Variants in STARD10 observed in about 807,000 individuals in gnomAD.
The protein encoded by STARD10 is START domain-containing protein 10.
STARD10 carries 24 observed loss-of-function variants against 36.0 expected under a neutral mutation model. The observed-to-expected ratio is 0.67, with a 90% confidence interval of 0.48 to 0.94. The LOEUF is 0.94. Among genes scored for constraint, STARD10 ranks in the 40% least tolerant of loss-of-function variants. The pLI, the probability that STARD10 is intolerant of heterozygous loss-of-function variation, is 0.00. For missense variants in STARD10, 335 were observed against 396.6 expected (o/e 0.84, Z 1.32); for synonymous variants, 156 against 161.9 (o/e 0.96, Z 0.28).
intron 2 of STARD10, among the ~76,000 whole-genome samples, chr11:72,776,834 G>A (rs1858935544): frequency 1.3e-5 from 2 of 152,172 alleles, no homozygotes; most frequent in African/African-American, 4.8e-5. Context: ...CATGAGCTGA[G>A]CACTGGCTTT....
intron 2 of STARD10, among the ~76,000 whole-genome samples, chr11:72,768,747 TC>T (rs1020142507): frequency 6.6e-6 from 1 of 152,112 alleles, no homozygotes. Context: ...CCCCAGCAGC[TC>T]CCCCCTCAGC....
Position 72,781,166 on chromosome 11 carries a change from C to T in STARD10, c.16G>A (p.Ala6Thr). Residue 6 changes from alanine to threonine, a missense_variant, in exon 2 of 7, where the codon GCC becomes ACC. Physicochemically the swap from Ala to Thr is moderately conservative, Grantham distance 58 (BLOSUM62 0). Coordinates refer to ENST00000334805, the MANE Select transcript of STARD10 (RefSeq NM_006645.3). The surrounding 1 kb of genome is among the most constrained non-coding windows in gnomAD (Gnocchi z 4.7). Reference protein sequence around the residue: MEKLAASTEPQGPRPV... With the variant: MEKLATSTEPQGPRPV... The stretch of plus-strand genomic sequence containing the variant: ...CGAGGCCCTTGGGGCTCTGTAGAGG[C>T]CGCCAGCTTCTCCATGGGGAGTGTG... The T allele has an allele frequency of 6.2e-7, 1 of 1,610,964 alleles. No homozygotes were observed. The highest frequency in any genetic ancestry group is 1.3e-5 in the African/African-American group (1 of 75,056).
intron 2 of STARD10, among the ~76,000 whole-genome samples, chr11:72,778,701 G>A (rs999667711): frequency 6.6e-6 from 1 of 152,206 alleles, no homozygotes; most frequent in Non-Finnish European, 1.5e-5. Flanking sequence ...CTGGGTTCCA[G>A]ACCCAGCTCT....
chr11:72,790,924 TTC>T (rs929500625), intron 1 of STARD10, among the ~76,000 whole-genome samples: 27 of 152,330 alleles, frequency 1.8e-4, no homozygotes, highest in African/African-American at 6.0e-4. Context: ...GGGCTGCTGC[TTC>T]TCTGCCCCTG....
chr11:72,759,842 C>T lies in STARD10; in HGVS notation c.208-461G>A, dbSNP rs190987436. 3.0e-4 allele frequency among the ~76,000 whole-genome samples: 46 copies of T among 152,292 alleles called. 2 individuals carry two copies. Among genetic ancestry groups the T allele is most frequent in the Middle Eastern group, 6.8e-3 (2 of 294 alleles). ...TATTTCCTCCCTGGTACTTATCACG[C>T]GGCCATACCACCTGTCCTCTTATTT... On this transcript the variant is annotated intron_variant, in intron 2 of 6. Transcript: ENST00000334805.
intron 2 of STARD10, among the ~76,000 whole-genome samples, chr11:72,779,444 T>C (rs188647949): frequency 1.3e-5 from 2 of 152,042 alleles, no homozygotes; most frequent in African/African-American, 4.8e-5. Context: ...ATACAAAAAT[T>C]AGCTGAGTGT....
intron 1 of STARD10, among the ~76,000 whole-genome samples, chr11:72,788,252 T>C (rs1389476084): frequency 1.3e-5 from 2 of 152,236 alleles, no homozygotes; most frequent in Non-Finnish European, 2.9e-5. Context: ...GGTCCCTGCC[T>C]GACCTTCTGC....
At chr11:72,768,687 C>T (rs989787578) in intron 2 of STARD10, among the ~76,000 whole-genome samples, 3 of 152,250 alleles carry the variant, frequency 2.0e-5, no homozygotes, top group Admixed American at 6.5e-5. Flanking sequence ...CTGCCCTATC[C>T]CTAAACTCTC....
chr11:72,755,033 A>T lies in STARD10; in HGVS notation c.740T>A (p.Leu247Gln). The T allele has an allele frequency of 6.2e-7, 1 of 1,613,304 alleles. No homozygotes were observed. The highest frequency in any genetic ancestry group is 8.5e-7 in the Non-Finnish European group (1 of 1,179,778). The change falls in exon 7 of 7, where the codon CTG becomes CAG. Residue 247 changes from leucine (L) to glutamine (Q), a missense_variant. Coordinates refer to ENST00000334805, the MANE Select transcript of STARD10 (RefSeq NM_006645.3). ...LHPEQSPLPS[L>Q]ALSELSVQHA... ...CTGCACCGACAGCTCCGACAGCGCC[A>T]GGCTCGGCAACGGGCTCTGCTCCGG... is the stretch of plus-strand genomic sequence containing the variant.
In STARD10 at chr11:72,765,820, A is replaced by G. The variant is rs530003538; in HGVS notation, c.208-6439T>C. Among the ~76,000 whole-genome samples the G allele has an allele frequency of 1.5e-4, 22 of 151,402 alleles. 1 individual carries two copies. The highest frequency in any genetic ancestry group is 1.3e-3 in the Admixed American group (20 of 15,248). ...AACCTGTCTCTACTAAAAATACAAA[A>G]AAAAAAAAAAATTAGCTGGGTGTCG... On this transcript the variant is annotated intron_variant, in intron 2 of 6. Coordinates refer to ENST00000334805, the MANE Select transcript of STARD10 (RefSeq NM_006645.3).
At chr11:72,770,992 G>A (rs1858849066) in intron 2 of STARD10, among the ~76,000 whole-genome samples, 1 of 152,198 alleles carries the variant, frequency 6.6e-6, no homozygotes. Flanking sequence ...AATGTGGATG[G>A]TGTGTGGCTC....
rs914682363 is a variant in STARD10 at position 72,759,525 on chromosome 11, C to T, written c.208-144G>A. On this transcript the variant is annotated intron_variant, in intron 2 of 6. Coordinates refer to ENST00000334805, the MANE Select transcript of STARD10 (RefSeq NM_006645.3). ...CTCTGAAACCAGCATGGACTTCCTT[C>T]TTGCCACAAGCCCTGTCCAGCTCCC... 7.8e-6 allele frequency: 8 copies of T among 1,022,264 alleles called. No individual in the cohort carries two copies. In the African/African-American group the frequency reaches 1.3e-4, roughly 16 times the overall value. 63.3% of individuals were successfully genotyped at this position (1,022,264 alleles called of 1,614,324 possible).
At chr11:72,788,931 C>T (rs1224703747) in intron 1 of STARD10, among the ~76,000 whole-genome samples, 2 of 152,172 alleles carry the variant, frequency 1.3e-5, no homozygotes, top group African/African-American at 4.8e-5. Flanking sequence ...TCATAGCACA[C>T]TACAGCCTTG....
chr11:72,754,901 G>T lies in STARD10; in HGVS notation c.872C>A (p.Thr291Asn), dbSNP rs1858619471. ...GTCCCTGAAGCGGTGCGGCGCTCAG[G>T]TGAGCGAGGTGTCGTCGTCGCTGCC... The part of the protein sequence containing the change: ...GEGSDDDTSL[T>N] Residue 291 changes from threonine (T) to asparagine (N), a missense_variant, in exon 7 of 7, where the codon ACC (threonine) becomes AAC (asparagine). Physicochemically the swap from Thr to Asn is moderately conservative, Grantham distance 65. Coordinates refer to ENST00000334805, the MANE Select transcript of STARD10 (RefSeq NM_006645.3). The T allele has an allele frequency of 1.3e-6, 2 of 1,598,048 alleles. No homozygotes were observed. The highest frequency in any genetic ancestry group is 3.3e-5 in the Admixed American group (2 of 59,784).
At position 72,757,773 on chromosome 11, in the gene STARD10, G is replaced by A. The variant is rs1460767494; in HGVS notation, c.571C>T (p.Pro191Ser). The change falls in exon 5 of 7, where the codon CCC becomes TCC. Residue 191 changes from proline to serine, a missense_variant. Transcript: ENST00000334805. Reference protein sequence around the residue: ...CVITYLAQVDPKGSLPKWVVN... With the variant: ...CVITYLAQVDSKGSLPKWVVN... ...GCCAGGGCCAAGCCCTCACCTTTGG[G>A]GTCCACCTGGGCCAGGTAGGTGATG... 2.5e-6 allele frequency: 4 copies of A among 1,613,928 alleles called. No homozygotes were observed. The Middle Eastern group carries it at 5.0e-4, about 203-fold the overall frequency.
intron 3 of STARD10, among the ~76,000 whole-genome samples, chr11:72,758,957 T>C (rs1858683016): frequency 6.6e-6 from 1 of 152,250 alleles, no homozygotes; most frequent in Non-Finnish European, 1.5e-5. Flanking sequence ...CCTGGGACTA[T>C]GTGGCATGTG....
At chr11:72,777,955 A>T (rs1286881428) in intron 2 of STARD10, among the ~76,000 whole-genome samples, 1 of 152,058 alleles carries the variant, frequency 6.6e-6, no homozygotes, top group East Asian at 1.9e-4. Flanking sequence ...GGAGGGGGAA[A>T]GGGGGGCAGA....
chr11:72,760,332 T>A (rs1858699596), intron 2 of STARD10, among the ~76,000 whole-genome samples: 1 of 152,162 alleles, frequency 6.6e-6, no homozygotes. Context: ...TTTCAAAGGA[T>A]TCTCCTGCCT....
At chr11:72,785,587 A>C (rs1859061756) in intron 1 of STARD10, among the ~76,000 whole-genome samples, 1 of 57,024 alleles carries the variant, frequency 1.8e-5, no homozygotes, top group South Asian at 6.5e-4. Flanking sequence ...AAAAAAAAAA[A>C]GGGAATAAGA....
Sources: allele counts gnomAD v4.1 joint callset (sites outside exome capture counted in the v4.1 genomes callset), GRCh38; gene constraint gnomAD v4.1.1; non-coding constraint Gnocchi (gnomAD v3.1); transcripts MANE v1.5; gene names NCBI Gene and HGNC (gene_info 2026-07-23, HGNC 2026-07-21).